Variants in ACSS3 observed in about 807,000 individuals in gnomAD.
ACSS3 encodes the protein acyl-CoA synthetase short chain family member 3.
Under a neutral mutation model 84.2 loss-of-function variants are expected in ACSS3, and 64 were observed. The ratio of observed to expected loss-of-function variants is 0.76; its 90% CI spans 0.62 to 0.94. The LOEUF is 0.94. Among genes scored for constraint, ACSS3 ranks in the 40% least tolerant of loss-of-function variants. The probability of loss-of-function intolerance (pLI) is 0.00; values close to 1 mark genes in which losing one functional copy is unlikely to be tolerated. For missense variants in ACSS3, 815 were observed against 867.6 expected, an observed-to-expected ratio of 0.94 and a Z score of 0.76; for synonymous variants, 317 against 310.1, an observed-to-expected ratio of 1.02 and a Z score of -0.23.
chr12:81,230,472 G>A (rs994468000), intron 11 of ACSS3, among the ~76,000 whole-genome samples: 3 of 151,768 alleles, frequency 2.0e-5, no homozygotes, highest in South Asian at 2.1e-4. Flanking sequence ...TATTTTCTAC[G>A]CTGAAGCATT....
At chr12:81,251,346 A>C (rs1245693350) in intron 13 of ACSS3, among the ~76,000 whole-genome samples, 1 of 152,150 alleles carries the variant, frequency 6.6e-6, no homozygotes, top group Middle Eastern at 3.2e-3. Context: ...TACAGAGTAG[A>C]CCATAATGTA....
At chr12:81,153,510 C>T (rs1009922605) in intron 7 of ACSS3, among the ~76,000 whole-genome samples, 2 of 151,718 alleles carry the variant, frequency 1.3e-5, no homozygotes, top group African/African-American at 4.8e-5. Context: ...TAAAAAGTTG[C>T]TACATATAAA....
In ACSS3 at chr12:81,255,007, T is replaced by G; in HGVS notation, c.*85T>G. ...TGAGTTGTTTCTCAGAAATAAATAT[T>G]TCAGTAGAAATTACTTGCAAAATGA... is the stretch of plus-strand genomic sequence containing the variant. On this transcript the variant is annotated 3_prime_UTR_variant, in exon 16 of 16. Transcript: ENST00000548058. 4.8e-6 allele frequency: 6 copies of G among 1,239,394 alleles called. No individual in the cohort carries two copies. The highest frequency in any genetic ancestry group is 6.7e-6 in the Non-Finnish European group (6 of 895,732). 76.8% of individuals were successfully genotyped at this position (1,239,394 alleles called of 1,614,324 possible).
intron 1 of ACSS3, among the ~76,000 whole-genome samples, chr12:81,086,063 C>T (rs1881290904): frequency 6.6e-6 from 1 of 152,102 alleles, no homozygotes; most frequent in African/African-American, 2.4e-5. Context: ...TGAACTTTGG[C>T]TCTTTGGCAA....
chr12:81,096,493 T>G (rs1416957027), intron 1 of ACSS3, among the ~76,000 whole-genome samples: 4 of 152,188 alleles, frequency 2.6e-5, no homozygotes, highest in Admixed American at 2.6e-4. Flanking sequence ...ATTATTATAC[T>G]TTAAGTTCTG....
rs754885673 is a variant in ACSS3, at chr12:81,151,871, G to A, written c.949G>A (p.Ala317Thr). 3.8e-5 allele frequency: 62 copies of A among 1,613,580 alleles called. No homozygotes were observed. Among genetic ancestry groups the A allele is most frequent in the Non-Finnish European group, 4.7e-5 (56 of 1,179,722 alleles). ...TGTGATTAGGCCCACTGGGGGATAC[G>A]CTGTCATGCTACACTGGTCAATGTC... Reference protein sequence around the residue: ...KGVIRPTGGYAVMLHWSMSSI... With the variant: ...KGVIRPTGGYTVMLHWSMSSI... The change falls in exon 6 of 16, where the codon GCT (alanine) becomes ACT (threonine). Residue 317 changes from alanine (A) to threonine (T), a missense_variant. Physicochemically the swap from Ala to Thr is moderately conservative, Grantham distance 58. Transcript: ENST00000548058.
intron 2 of ACSS3, among the ~76,000 whole-genome samples, chr12:81,118,516 G>T (rs892357906): frequency 1.3e-5 from 2 of 152,154 alleles, no homozygotes; most frequent in Non-Finnish European, 2.9e-5. Flanking sequence ...GCCATCAGCT[G>T]CTAGGAAGGC....
In ACSS3 at chr12:81,151,377, A is replaced by G. The variant is rs191236749; in HGVS notation, c.922-467A>G. Among the ~76,000 whole-genome samples the G allele has an allele frequency of 3.3e-5, 5 of 152,314 alleles. No individual in the cohort carries two copies. The East Asian group carries it at 9.6e-4, about 29-fold the overall frequency. On this transcript the variant is annotated intron_variant, in intron 5 of 15. Transcript: ENST00000548058. ...GAAGCGTTGTAATGAGATTCCAGTT[A>G]GAATATGACTTTGTTTCCTCCAAGC...
chr12:81,195,289 C>G (rs2031773309), intron 8 of ACSS3, among the ~76,000 whole-genome samples: 1 of 151,894 alleles, frequency 6.6e-6, no homozygotes, highest in East Asian at 1.9e-4. Context: ...CTTTTCAGTC[C>G]TAGGATTATC....
intron 13 of ACSS3, among the ~76,000 whole-genome samples, chr12:81,236,000 G>T (rs1172774874): frequency 1.3e-5 from 2 of 151,336 alleles, no homozygotes; most frequent in Non-Finnish European, 3.0e-5. Context: ...TAGAACTTGG[G>T]ATAGGATGTT....
chr12:81,248,765 A>AC, intron 13 of ACSS3, among the ~76,000 whole-genome samples: 1 of 152,096 alleles, frequency 6.6e-6, no homozygotes, highest in South Asian at 2.1e-4. Context: ...TACCTTAAGT[A>AC]CCCTGAATTG....
Position 81,253,646 on chromosome 12 carries a change from C to T in ACSS3, c.1971C>T (p.Ala657=). 1 of 1,613,668 alleles carries T rather than the reference C, an allele frequency of 6.2e-7. No homozygotes were observed. Among genetic ancestry groups the T allele is most frequent in the Non-Finnish European group, 8.5e-7 (1 of 1,179,734 alleles). Residue 657 remains alanine (A), a synonymous_variant, in exon 15 of 16, where the codon GCC becomes GCT. Coordinates refer to ENST00000548058, the MANE Select transcript of ACSS3 (RefSeq NM_024560.4). ...AGATCCCCCGATCAGCTTTATCTGC[C>T]ATTGTCAATGGCAAGCCATACAAGG... ...SGKIPRSALS[A]IVNGKPYKIT...
chr12:81,202,519 T>G (rs1565718280), intron 9 of ACSS3, among the ~76,000 whole-genome samples: 1 of 152,290 alleles, frequency 6.6e-6, no homozygotes, highest in South Asian at 2.1e-4. Flanking sequence ...AGGAAACACA[T>G]GTTAATGTTT....
chr12:81,217,378 A>C (rs1882190), intron 10 of ACSS3, among the ~76,000 whole-genome samples: 101,360 of 151,866 alleles, frequency 0.67, 34,277 homozygotes, highest in Non-Finnish European at 0.73. Flanking sequence ...GGTTAACAGA[A>C]TAAATAATTT....
At chr12:81,199,231 C>A in intron 8 of ACSS3, 110 bp from the exon 9 acceptor site, 2 of 885,678 alleles carry the variant, frequency 2.3e-6, no homozygotes, top group Non-Finnish European at 1.7e-6. Context: ...GGTTATATTG[C>A]TGTATTCCTC....
chr12:81,200,840 G>T (rs2032066241), intron 9 of ACSS3, among the ~76,000 whole-genome samples: 1 of 143,786 alleles, frequency 7.0e-6, no homozygotes, highest in South Asian at 2.1e-4. Flanking sequence ...GTTGCGGTGA[G>T]CCAAGATCCT....
rs749352641 is a variant in ACSS3 at position 81,231,121 on chromosome 12, T to C, written c.1579T>C (p.Tyr527His). 36 of 1,609,516 alleles carry C rather than the reference T, an allele frequency of 2.2e-5. No individual in the cohort carries two copies. The highest frequency in any genetic ancestry group is 2.7e-5 in the Non-Finnish European group (32 of 1,177,716). The stretch of plus-strand genomic sequence containing the variant: ...GAATCAGGAAGCATTCAAGCATTTA[T>C]ACTTTGAAAAATTTCCTGTAAGAAC... ...WKNQEAFKHL[Y>H]FEKFPGYYDT... Residue 527 changes from tyrosine to histidine, a missense_variant, in exon 12 of 16, where the codon TAC becomes CAC. Tyr to His is a moderately conservative substitution (Grantham distance 83). Coordinates refer to ENST00000548058, the MANE Select transcript of ACSS3 (RefSeq NM_024560.4).
intron 1 of ACSS3, among the ~76,000 whole-genome samples, chr12:81,089,236 G>A (rs896209416): frequency 6.6e-6 from 1 of 151,858 alleles, no homozygotes; most frequent in African/African-American, 2.4e-5. Flanking sequence ...TATATGTTAA[G>A]TTGTTGGTTT....
chr12:81,081,407 G>T (rs1236022414), intron 1 of ACSS3, among the ~76,000 whole-genome samples: 1 of 152,284 alleles, frequency 6.6e-6, no homozygotes, highest in East Asian at 1.9e-4. Flanking sequence ...TCACAGTTTG[G>T]TGGTTACTCC....
Sources: allele counts gnomAD v4.1 joint callset (sites outside exome capture counted in the v4.1 genomes callset), GRCh38; gene constraint gnomAD v4.1.1; transcripts MANE v1.5; gene names NCBI Gene and HGNC (gene_info 2026-07-23, HGNC 2026-07-21).